Variants in TENM3 observed in about 807,000 individuals in gnomAD.
The protein encoded by TENM3 is teneurin-3.
TENM3 carries 63 observed loss-of-function variants against 255.1 expected under a neutral mutation model. The ratio of observed to expected loss-of-function variants is 0.25; its 90% CI spans 0.20 to 0.30. TENM3 has a LOEUF of 0.30. TENM3 is among the 10% of genes least tolerant of loss of function. The probability of loss-of-function intolerance (pLI) is 1.00; values close to 1 mark genes in which losing one functional copy is unlikely to be tolerated. For missense variants in TENM3, 2,929 were observed against 3,461.1 expected (o/e 0.85, Z 3.86); for synonymous variants, 1,306 against 1,322.3 (o/e 0.99, Z 0.27).
At chr4:181,834,505 G>A in the TENM3 span, among the ~76,000 whole-genome samples, 4 of 152,192 alleles carry the variant, frequency 2.6e-5, no homozygotes, top group East Asian at 3.9e-4. Context: ...GCTCATAGGC[G>A]CCAACTGGCA....
intron 2 of TENM3, among the ~76,000 whole-genome samples, chr4:182,326,576 C>T (rs1483122344): frequency 6.6e-6 from 1 of 152,052 alleles, no homozygotes; most frequent in Non-Finnish European, 1.5e-5. Flanking sequence ...GGTCTGTTGC[C>T]AAAGCCTGAC....
chr4:181,627,067 C>T, the TENM3 span, among the ~76,000 whole-genome samples: 6 of 152,248 alleles, frequency 3.9e-5, no homozygotes, highest in South Asian at 1.2e-3. Flanking sequence ...TCTTATCTGA[C>T]TCTAGTGGCT....
chr4:181,771,887 T>A, the TENM3 span, among the ~76,000 whole-genome samples: 2 of 152,192 alleles, frequency 1.3e-5, no homozygotes. Flanking sequence ...CTCACCTTCG[T>A]CAAAACCTGC....
At chr4:182,744,892 A>G (rs1024315819) in intron 19 of TENM3, among the ~76,000 whole-genome samples, 3 of 152,192 alleles carry the variant, frequency 2.0e-5, no homozygotes, top group Non-Finnish European at 4.4e-5. Flanking sequence ...GCTGCAGAAG[A>G]TACAATAAAG....
At chr4:181,660,441 G>C in the TENM3 span, among the ~76,000 whole-genome samples, 1 of 152,100 alleles carries the variant, frequency 6.6e-6, no homozygotes, top group Non-Finnish European at 1.5e-5. Flanking sequence ...TTACCACTGA[G>C]AGCTTTTCTA....
chr4:181,785,704 C>G, the TENM3 span, among the ~76,000 whole-genome samples: 486 of 152,004 alleles, frequency 3.2e-3, no homozygotes, highest in Non-Finnish European at 5.8e-3. Context: ...CTGCCTCCCC[C>G]CAACCCCCGC....
the TENM3 span, among the ~76,000 whole-genome samples, chr4:181,482,524 A>G: frequency 6.6e-6 from 1 of 152,176 alleles, no homozygotes; most frequent in Non-Finnish European, 1.5e-5. Context: ...GGAGATATGT[A>G]TGATTCTTCC....
the TENM3 span, among the ~76,000 whole-genome samples, chr4:181,968,013 C>T: frequency 1.3e-5 from 2 of 152,152 alleles, no homozygotes; most frequent in African/African-American, 4.8e-5. Flanking sequence ...AACTTCAGTT[C>T]TGCTCCCAAA....
chr4:181,935,528 G>T, the TENM3 span, among the ~76,000 whole-genome samples: 2 of 152,106 alleles, frequency 1.3e-5, no homozygotes, highest in South Asian at 4.1e-4. Context: ...GTCTCTCTCT[G>T]CCCAGCTACC....
chr4:181,507,119 G>T, the TENM3 span, among the ~76,000 whole-genome samples: 1 of 152,142 alleles, frequency 6.6e-6, no homozygotes, highest in African/African-American at 2.4e-5. Flanking sequence ...CGTGGCATCT[G>T]GTCCAGCCTT....
At chr4:182,023,306 G>T in the TENM3 span, among the ~76,000 whole-genome samples, 42 of 152,274 alleles carry the variant, frequency 2.8e-4, no homozygotes, top group African/African-American at 9.6e-4. Flanking sequence ...TTGGGAGTTT[G>T]GGTTGCTGCT....
chr4:182,029,964 T>C, the TENM3 span, among the ~76,000 whole-genome samples: 3 of 143,308 alleles, frequency 2.1e-5, no homozygotes, highest in African/African-American at 9.0e-5. Context: ...AGTCTTCATT[T>C]TTTGGCCGAA....
chr4:181,569,068 C>A, the TENM3 span, among the ~76,000 whole-genome samples: 2 of 152,194 alleles, frequency 1.3e-5, no homozygotes, highest in Non-Finnish European at 2.9e-5. Context: ...TGCAGTGGCT[C>A]ATGCCTATAA....
the TENM3 span, among the ~76,000 whole-genome samples, chr4:181,744,277 A>C: frequency 1.3e-5 from 2 of 152,196 alleles, no homozygotes; most frequent in Non-Finnish European, 2.9e-5. Context: ...TGGTGCGTCA[A>C]CGAACATACC....
intron 22 of TENM3, among the ~76,000 whole-genome samples, chr4:182,765,410 CTG>C (rs1326088180): frequency 6.6e-6 from 1 of 152,196 alleles, no homozygotes; most frequent in Non-Finnish European, 1.5e-5. Context: ...ATCTTCAAAT[CTG>C]TGTCTTCCCT....
At chr4:182,347,008 T>G in intron 3 of TENM3, 79 bp downstream of exon 3, 1 of 1,088,330 alleles carries the variant, frequency 9.2e-7, no homozygotes, top group Non-Finnish European at 1.3e-6. Context: ...GGGGGGATGT[T>G]TTTCTTTCTC....
At chr4:181,935,863 A>T in the TENM3 span, among the ~76,000 whole-genome samples, 1 of 151,910 alleles carries the variant, frequency 6.6e-6, no homozygotes, top group Non-Finnish European at 1.5e-5. Context: ...CCTCAGACAA[A>T]CCTCATTTCC....
chr4:182,106,333 C>T, the TENM3 span, among the ~76,000 whole-genome samples: 3 of 152,038 alleles, frequency 2.0e-5, no homozygotes, highest in Non-Finnish European at 2.9e-5. Flanking sequence ...TGGTAGCGCA[C>T]GCCTGTAGTC....
At chr4:182,576,195 A>G (rs1231794282) in intron 3 of TENM3, among the ~76,000 whole-genome samples, 7 of 152,198 alleles carry the variant, frequency 4.6e-5, no homozygotes, top group Non-Finnish European at 5.9e-5. Context: ...TAGCAAAACC[A>G]AGTTTCTTCC....
Sources: allele counts gnomAD v4.1 joint callset (sites outside exome capture counted in the v4.1 genomes callset), GRCh38; gene constraint gnomAD v4.1.1; transcripts MANE v1.5; gene names NCBI Gene and HGNC (gene_info 2026-07-23, HGNC 2026-07-21).